The following PIK3R1 variants were observed in gnomAD, a reference collection of about 807,000 sequenced individuals.
PIK3R1 encodes the protein phosphoinositide-3-kinase regulatory subunit 1.
A neutral mutation model predicts 98.0 loss-of-function variants in PIK3R1; 29 were observed. The ratio of observed to expected loss-of-function variants is 0.30; its 90% CI spans 0.22 to 0.40. PIK3R1 has a LOEUF of 0.40. Among genes scored for constraint, PIK3R1 ranks in the 10% least tolerant of loss-of-function variants. The pLI is 1.00. For missense variants in PIK3R1, 596 were observed against 872.7 expected (o/e 0.68, Z 3.99); for synonymous variants, 282 against 311.8 (o/e 0.90, Z 1.01).
At chr5:68,228,357 T>TA (rs751438089) in intron 2 of PIK3R1, among the ~76,000 whole-genome samples, 5 of 152,220 alleles carry the variant, frequency 3.3e-5, no homozygotes, top group Non-Finnish European at 7.3e-5. Context: ...TTATTAATGA[T>TA]ACCTGAAGGG....
chr5:68,224,350 A>T (rs978448810), intron 1 of PIK3R1, among the ~76,000 whole-genome samples: 1 of 152,202 alleles, frequency 6.6e-6, no homozygotes, highest in Non-Finnish European at 1.5e-5. Context: ...TATTTTTCTG[A>T]TATGCTCTAT....
chr5:68,263,623 C>A (rs1455749088), intron 2 of PIK3R1, among the ~76,000 whole-genome samples: 1 of 152,082 alleles, frequency 6.6e-6, no homozygotes, highest in East Asian at 1.9e-4. Flanking sequence ...ACTCTGATTC[C>A]TTACACAATT....
intron 7 of PIK3R1, chr5:68,290,918 G>A: frequency 1.2e-6 from 1 of 840,684 alleles, no homozygotes; most frequent in Non-Finnish European, 1.8e-6. Context: ...GATCCTTTTT[G>A]GATTTCTGTT....
chr5:68,242,969 T>C (rs1206393618), intron 2 of PIK3R1, among the ~76,000 whole-genome samples: 1 of 152,032 alleles, frequency 6.6e-6, no homozygotes, highest in Non-Finnish European at 1.5e-5. Flanking sequence ...TCTACAAGTA[T>C]AGAAAGAAGC....
intron 2 of PIK3R1, among the ~76,000 whole-genome samples, chr5:68,252,989 A>C (rs551082855): frequency 6.6e-6 from 1 of 152,264 alleles, no homozygotes; most frequent in South Asian, 2.1e-4. Flanking sequence ...TTGACAGGAA[A>C]AATTGACTTT....
rs2112292831 is a variant in PIK3R1 at position 68,297,536 on chromosome 5, G to A, written c.2110G>A (p.Val704Met). Reference sequence around the variant, plus strand: ...GCTACATTACCAACACACCTCCCTTGTGCAGCACAACGACTCCCTCAATGT... The same window carrying A: ...GCTACATTACCAACACACCTCCCTTATGCAGCACAACGACTCCCTCAATGT... ...LVLHYQHTSLVQHNDSLNVTL... is the reference protein window; with the variant it reads ...LVLHYQHTSLMQHNDSLNVTL... The change falls in exon 16 of 16, where the codon GTG becomes ATG. Residue 704 changes from valine (V) to methionine (M), a missense_variant. Around this residue, in one of 3 missense-constraint regions of PIK3R1, gnomAD observed 207 missense variants for 361.4 expected, o/e 0.57. Transcript: ENST00000521381. The A allele has an allele frequency of 6.2e-7, 1 of 1,614,146 alleles. No individual in the cohort carries two copies. The highest frequency in any genetic ancestry group is 1.6e-4 in the Middle Eastern group (1 of 6,062).
intron 2 of PIK3R1, among the ~76,000 whole-genome samples, chr5:68,249,968 T>G (rs1288574864): frequency 6.6e-6 from 1 of 152,128 alleles, no homozygotes; most frequent in Non-Finnish European, 1.5e-5. Context: ...CTATGCCAAG[T>G]GTTGGGCTGG....
chr5:68,291,461 A>G (rs183609118), intron 7 of PIK3R1: 12 of 152,266 alleles, frequency 7.9e-5, no homozygotes, highest in African/African-American at 2.6e-4. Flanking sequence ...AAAATCCTAG[A>G]TTTATTTTGT....
chr5:68,269,071 A>T (rs74573141), intron 2 of PIK3R1, among the ~76,000 whole-genome samples: 1,985 of 152,246 alleles, frequency 0.013, 24 homozygotes, highest in Middle Eastern at 0.017. Context: ...CACCTAGTTC[A>T]TTGGTGTTCT....
chr5:68,287,836 G>A (rs1475001384), intron 7 of PIK3R1, among the ~76,000 whole-genome samples: 1 of 151,006 alleles, frequency 6.6e-6, no homozygotes, highest in Non-Finnish European at 1.5e-5. Flanking sequence ...ACATGATCAT[G>A]GAGTATAGTA....
At chr5:68,245,012 A>C (rs2112039890) in intron 2 of PIK3R1, among the ~76,000 whole-genome samples, 1 of 152,366 alleles carries the variant, frequency 6.6e-6, no homozygotes, top group East Asian at 1.9e-4. Context: ...ATGCCAGATT[A>C]AGTCAGGCAT....
At chr5:68,283,854 A>C (rs1746958822) in intron 7 of PIK3R1, among the ~76,000 whole-genome samples, 1 of 152,306 alleles carries the variant, frequency 6.6e-6, no homozygotes, top group Admixed American at 6.5e-5. Context: ...CTTCGTGAGC[A>C]ATGAGGCTGC....
intron 2 of PIK3R1, among the ~76,000 whole-genome samples, chr5:68,256,517 A>C (rs1277567046): frequency 1.3e-5 from 2 of 152,202 alleles, no homozygotes. Context: ...GGTGTGAGCC[A>C]CCGCACCCAG....
At position 68,298,154 on chromosome 5, in the gene PIK3R1, G is replaced by A; in HGVS notation, c.*553G>A. ...CAGAAAGGCACGTCCACTCACAAGG[G>A]ACGCTTTGGGAGAATGTCAGTTCAT... is the stretch of plus-strand genomic sequence containing the variant. On this transcript the variant is annotated 3_prime_UTR_variant, in exon 16 of 16. Coordinates refer to ENST00000521381, the MANE Select transcript of PIK3R1 (RefSeq NM_181523.3). 1.3e-5 allele frequency: 3 copies of A among 231,650 alleles called. No individual in the cohort carries two copies. The highest frequency in any genetic ancestry group is 2.6e-5 in the Non-Finnish European group (3 of 116,794). 14.3% of individuals were successfully genotyped at this position (231,650 alleles called of 1,614,324 possible).
At chr5:68,292,651 C>T (rs1747458549) in intron 8 of PIK3R1, 1 of 1,346,828 alleles carries the variant, frequency 7.4e-7, no homozygotes, top group Admixed American at 3.0e-5. Context: ...ATCTATTAAG[C>T]ACAACTCTAA....
chr5:68,293,062 A>C, intron 8 of PIK3R1, 39 bp from the exon 9 acceptor site: 1 of 1,503,680 alleles, frequency 6.7e-7, no homozygotes, highest in Non-Finnish European at 9.2e-7. Context: ...TGTGGTCACT[A>C]AACCTTAAGA....
Position 68,262,821 on chromosome 5 carries a change from A to ACATGTGTACATATATACATGTAGATG in PIK3R1, c.335-10564_335-10563insGTACATATATACATGTAGATGCATGT, listed in dbSNP as rs1561278793. 7.0e-3 allele frequency among the ~76,000 whole-genome samples: 127 copies of ACATGTGTACATATATACATGTAGATG among 18,038 alleles called. 17 individuals are homozygous for ACATGTGTACATATATACATGTAGATG. Among genetic ancestry groups the ACATGTGTACATATATACATGTAGATG allele is most frequent in the African/African-American group, 0.014 (45 of 3,234 alleles). 11.8% of individuals were successfully genotyped at this position (18,038 alleles called of 152,430 possible). A position where few individuals can be genotyped will look rare whatever the true frequency, so the allele number is the denominator to read the frequency against. On this transcript the variant is annotated intron_variant, in intron 2 of 15. Transcript: ENST00000521381. ...CGTAGATACATGTATACATGTAGAT[A>ACATGTGTACATATATACATGTAGATG]CATGTAGATACATGTATACATGTAG...
chr5:68,293,278 C>A (rs762189416), intron 9 of PIK3R1, 25 bp from the exon 10 acceptor site: 4 of 1,599,858 alleles, frequency 2.5e-6, no homozygotes, highest in African/African-American at 1.3e-5. Context: ...ATGTTAATAC[C>A]TTTATTTTTA....
chr5:68,277,868 C>T (rs1188070418), intron 4 of PIK3R1, among the ~76,000 whole-genome samples: 2 of 152,192 alleles, frequency 1.3e-5, no homozygotes, highest in African/African-American at 4.8e-5. Context: ...GCAGCACTCC[C>T]TTCCAATTTA....
Sources: allele counts gnomAD v4.1 joint callset (sites outside exome capture counted in the v4.1 genomes callset), GRCh38; gene constraint gnomAD v4.1.1; regional missense constraint gnomAD v4.1.1; transcripts MANE v1.5; gene names NCBI Gene and HGNC (gene_info 2026-07-23, HGNC 2026-07-21).